Variants in MTBP observed in about 807,000 individuals in gnomAD.
The protein encoded by MTBP is MDM2 binding protein, also known as mdm2-binding protein.
In MTBP, 101 loss-of-function variants were observed where a neutral mutation model predicts 117.0. The ratio of observed to expected loss-of-function variants is 0.86; its 90% CI spans 0.73 to 1.02. The LOEUF is 1.02. Ranked by LOEUF, MTBP falls within the 50% of genes least tolerant of loss-of-function variation. The probability of loss-of-function intolerance (pLI) is 0.00; values close to 1 mark genes in which losing one functional copy is unlikely to be tolerated. For missense variants in MTBP, 970 were observed against 1,030.9 expected (o/e 0.94, Z 0.81); for synonymous variants, 350 against 351.5 (o/e 1.00, Z 0.05).
intron 2 of MTBP, among the ~76,000 whole-genome samples, chr8:120,447,422 G>T (rs1813251066): frequency 6.6e-6 from 1 of 151,968 alleles, no homozygotes; most frequent in South Asian, 2.1e-4. Context: ...CACTATTATT[G>T]CAGGAAAGAT....
At chr8:120,483,997 C>T (rs1814155941) in intron 11 of MTBP, among the ~76,000 whole-genome samples, 1 of 152,020 alleles carries the variant, frequency 6.6e-6, no homozygotes, top group Non-Finnish European at 1.5e-5. Flanking sequence ...TCTGGAGCAA[C>T]ATTTTTTAAA....
Position 120,479,703 on chromosome 8 carries a change from C to A in MTBP, c.1166-8456C>A, listed in dbSNP as rs544479248. Among the ~76,000 whole-genome samples, 10 of 152,200 alleles carry A rather than the reference C, an allele frequency of 6.6e-5. No homozygotes were observed. In the South Asian group the frequency reaches 2.1e-3, roughly 32 times the overall value. Reference sequence around the variant, plus strand: ...GACAACAGAAAGAATCCTGAGAGATCTCTCAACTATTTGGGAATTAACACA... The same window carrying A: ...GACAACAGAAAGAATCCTGAGAGATATCTCAACTATTTGGGAATTAACACA... On this transcript the variant is annotated intron_variant, in intron 11 of 21. Coordinates refer to ENST00000305949, the MANE Select transcript of MTBP (RefSeq NM_022045.5).
At chr8:120,500,777 C>T (rs1814566693) in intron 14 of MTBP, among the ~76,000 whole-genome samples, 1 of 152,228 alleles carries the variant, frequency 6.6e-6, no homozygotes, top group Admixed American at 6.5e-5. Flanking sequence ...CTTTAACAGG[C>T]CAGGCGTGGT....
At chr8:120,472,292 CTA>C (rs1179304032) in intron 11 of MTBP, 2 of 152,104 alleles carry the variant, frequency 1.3e-5, no homozygotes, top group African/African-American at 2.4e-5. Flanking sequence ...GGTAAGATAT[CTA>C]TGTGGAAATT....
rs1813575040 is a variant in MTBP at position 120,461,176 on chromosome 8, G to A, written c.898G>A (p.Gly300Ser). Reference protein sequence around the residue: ...NILPKVFHYYGPALEFVQMIK... With the variant: ...NILPKVFHYYSPALEFVQMIK... ...TCTTTTCTAGGTTTTCCATTATTATGGCCCTGCTTTAGAATTTGTGCAGAT... is the reference window on the plus strand; with the variant it reads ...TCTTTTCTAGGTTTTCCATTATTATAGCCCTGCTTTAGAATTTGTGCAGAT... The change falls in exon 9 of 22, where the codon GGC (glycine) becomes AGC (serine). Residue 300 changes from glycine (G) to serine (S), a missense_variant. Coordinates refer to ENST00000305949, the MANE Select transcript of MTBP (RefSeq NM_022045.5). 1 of 1,592,384 alleles carries A rather than the reference G, an allele frequency of 6.3e-7. No homozygotes were observed. The highest frequency in any genetic ancestry group is 1.1e-5 in the South Asian group (1 of 90,374).
rs542991051 is a variant in MTBP, at chr8:120,473,815, T to C, written c.1165+2878T>C. ...TAGTCAATTTCGCTTATTCTACATA[T>C]AGTCATGGGATAATACTGATCCATT... On this transcript the variant is annotated intron_variant, in intron 11 of 21. Transcript: ENST00000305949. The C allele has an allele frequency of 6.6e-5, 10 of 152,206 alleles. No individual in the cohort carries two copies. The South Asian group carries it at 2.1e-3, about 32-fold the overall frequency. The allele number at this position is 152,206 out of a possible 1,614,324, so 9.4% of individuals were successfully genotyped here. A position where few individuals can be genotyped will look rare whatever the true frequency, so the allele number is the denominator to read the frequency against.
chr8:120,463,103 G>A (rs1012578968), intron 9 of MTBP, among the ~76,000 whole-genome samples: 1 of 152,098 alleles, frequency 6.6e-6, no homozygotes, highest in Admixed American at 6.5e-5. Flanking sequence ...GGTATATGGT[G>A]TAGAGAGGAG....
intron 13 of MTBP, among the ~76,000 whole-genome samples, chr8:120,491,068 C>T (rs1258015707): frequency 1.3e-5 from 2 of 151,978 alleles, no homozygotes; most frequent in African/African-American, 2.4e-5. Context: ...TTATCTTATT[C>T]AGAAAAGAGT....
intron 11 of MTBP, among the ~76,000 whole-genome samples, chr8:120,482,885 G>A (rs867741851): frequency 1.3e-5 from 2 of 151,848 alleles, no homozygotes; most frequent in African/African-American, 2.4e-5. Context: ...ATTTTTAGTA[G>A]AGATGGGGTT....
At chr8:120,496,171 G>A (rs1407953285) in intron 13 of MTBP, among the ~76,000 whole-genome samples, 1 of 152,164 alleles carries the variant, frequency 6.6e-6, no homozygotes, top group African/African-American at 2.4e-5. Flanking sequence ...GAAGTCTGCA[G>A]AGAAAATACA....
At chr8:120,483,667 G>T (rs1158305124) in intron 11 of MTBP, among the ~76,000 whole-genome samples, 1 of 151,948 alleles carries the variant, frequency 6.6e-6, no homozygotes, top group Non-Finnish European at 1.5e-5. Flanking sequence ...ACTTTATTGT[G>T]GTTTATGTGT....
Position 120,445,501 on chromosome 8 carries a change from G to A in MTBP, c.31G>A (p.Gly11Arg), listed in dbSNP as rs745761833. ...TCGGTACCTGCTGCTGGTGATCTGGGGGGAAGGAAAATTCCCGTCGGCGGC... is the reference window on the plus strand; with the variant it reads ...TCGGTACCTGCTGCTGGTGATCTGGAGGGAAGGAAAATTCCCGTCGGCGGC... MDRYLLLVIW[G>R]EGKFPSAASR... Residue 11 changes from glycine to arginine, a missense_variant, in exon 1 of 22, where the codon GGG becomes AGG. Transcript: ENST00000305949. 5.0e-6 allele frequency: 8 copies of A among 1,613,580 alleles called. No homozygotes were observed. Among genetic ancestry groups the A allele is most frequent in the Non-Finnish European group, 6.8e-6 (8 of 1,179,788 alleles).
chr8:120,495,618 T>G, intron 13 of MTBP, among the ~76,000 whole-genome samples: 1 of 152,130 alleles, frequency 6.6e-6, no homozygotes, highest in African/African-American at 2.4e-5. Flanking sequence ...AATGCCTGAT[T>G]TCCATTCCTA....
Position 120,516,183 on chromosome 8 carries a change from C to T in MTBP, c.2238C>T (p.Pro746=). The T allele has an allele frequency of 1.2e-6, 2 of 1,608,704 alleles. No individual in the cohort carries two copies. The highest frequency in any genetic ancestry group is 1.7e-4 in the Middle Eastern group (1 of 6,028). ...RRSKDLNCLY[P]RKRLVKSESS... ...CTAAAGATCTGAATTGCCTTTATCC[C>T]AGAAAAAGGTGATATATTACATGCA... is the stretch of plus-strand genomic sequence containing the variant. The change falls in exon 18 of 22, where the codon CCC becomes CCT. Residue 746 remains proline, a synonymous_variant. Coordinates refer to ENST00000305949, the MANE Select transcript of MTBP (RefSeq NM_022045.5).
intron 16 of MTBP, among the ~76,000 whole-genome samples, chr8:120,508,710 C>T (rs1019998918): frequency 3.3e-5 from 5 of 152,126 alleles, no homozygotes; most frequent in African/African-American, 9.7e-5. Context: ...CTACTATTTA[C>T]TTACCCTTCT....
intron 14 of MTBP, among the ~76,000 whole-genome samples, chr8:120,501,000 G>A (rs1281874145): frequency 6.6e-6 from 1 of 152,072 alleles, no homozygotes; most frequent in African/African-American, 2.4e-5. Flanking sequence ...GACCATCCTG[G>A]CCAACATGGT....
chr8:120,481,675 G>A (rs1177279500), intron 11 of MTBP, among the ~76,000 whole-genome samples: 3 of 152,156 alleles, frequency 2.0e-5, no homozygotes, highest in African/African-American at 7.2e-5. Context: ...AAGGTGTGAT[G>A]GAAGTTTCTC....
chr8:120,506,743 G>A lies in MTBP; in HGVS notation c.1765G>A (p.Gly589Ser). Residue 589 changes from glycine (G) to serine (S), a missense_variant, in exon 16 of 22, where the codon GGC becomes AGC. Transcript: ENST00000305949. Reference sequence around the variant, plus strand: ...ACCTCATTCATCTGAACAGTTGCTGGGCCACAAAGAGGGTCCTCGGGACTC... The same window carrying A: ...ACCTCATTCATCTGAACAGTTGCTGAGCCACAAAGAGGGTCCTCGGGACTC... ...SLPHSSEQLL[G>S]HKEGPRDSIT... 6.2e-7 allele frequency: 1 copy of A among 1,612,508 alleles called. No homozygotes were observed. Among genetic ancestry groups the A allele is most frequent in the South Asian group, 1.1e-5 (1 of 90,882 alleles).
In MTBP at chr8:120,497,491, G is replaced by C; in HGVS notation, c.1546G>C (p.Ala516Pro). 6.3e-7 allele frequency: 1 copy of C among 1,588,726 alleles called. No individual in the cohort carries two copies. Among genetic ancestry groups the C allele is most frequent in the Non-Finnish European group, 8.6e-7 (1 of 1,159,872 alleles). ...TRKHFLDYFDAVIPKMILRKM... is the reference protein window; with the variant it reads ...TRKHFLDYFDPVIPKMILRKM... Reference sequence around the variant, plus strand: ...GAAACACTTTTTAGATTATTTTGATGCTGTGATTCCTAAAATGATTCTAAG... The same window carrying C: ...GAAACACTTTTTAGATTATTTTGATCCTGTGATTCCTAAAATGATTCTAAG... Residue 516 changes from alanine to proline, a missense_variant, in exon 14 of 22, where the codon GCT (alanine) becomes CCT (proline). By Grantham distance (27) the Ala-to-Pro change is conservative. Transcript: ENST00000305949.
Sources: gnomAD v4.1 joint callset for allele counts (sites outside exome capture counted in the v4.1 genomes callset) on GRCh38, gnomAD v4.1.1 for gene constraint, MANE v1.5 for transcripts, NCBI Gene and HGNC (gene_info 2026-07-23, HGNC 2026-07-21) for gene names.